Variants in ST6GALNAC5 observed in about 807,000 individuals in gnomAD.
ST6GALNAC5 encodes the protein alpha-N-acetylgalactosaminide alpha-2,6-sialyltransferase 5.
In ST6GALNAC5, 27 loss-of-function variants were observed where a neutral mutation model predicts 33.6. That is an observed-to-expected ratio of 0.80 (90% CI 0.59 to 1.11). ST6GALNAC5 has a LOEUF of 1.11. Among genes scored for constraint, ST6GALNAC5 ranks in the 50% least tolerant of loss-of-function variants. ST6GALNAC5 has a pLI of 0.00. For synonymous variants in ST6GALNAC5, 194 were observed against 171.2 expected, an observed-to-expected ratio of 1.13 and a Z score of -1.04; for missense variants, 428 against 454.0, an observed-to-expected ratio of 0.94 and a Z score of 0.52.
chr1:77,059,001 G>T (rs1029915115), intron 4 of ST6GALNAC5, among the ~76,000 whole-genome samples: 3 of 152,144 alleles, frequency 2.0e-5, no homozygotes, highest in Non-Finnish European at 4.4e-5. Flanking sequence ...AGAATCTCAA[G>T]GAGCTTTCCA....
At chr1:76,974,781 T>C (rs931373275) in intron 2 of ST6GALNAC5, among the ~76,000 whole-genome samples, 1 of 119,328 alleles carries the variant, frequency 8.4e-6, no homozygotes, top group Non-Finnish European at 1.8e-5. Context: ...TTCTTTTTTT[T>C]TTTTTTTTTT....
intron 2 of ST6GALNAC5, among the ~76,000 whole-genome samples, chr1:76,932,751 G>A (rs556258725): frequency 3.9e-5 from 6 of 152,046 alleles, no homozygotes; most frequent in African/African-American, 1.4e-4. Flanking sequence ...TGCAGACTTT[G>A]CTCATGCCTC....
intron 3 of ST6GALNAC5, 89 bp downstream of exon 3, chr1:77,044,702 C>G: frequency 6.8e-7 from 1 of 1,468,272 alleles, no homozygotes; most frequent in Non-Finnish European, 9.1e-7. Context: ...TTGCTACAGG[C>G]TTTTGTTGTG....
chr1:77,044,749 T>A, intron 3 of ST6GALNAC5, 136 bp downstream of exon 3: 2 of 1,072,712 alleles, frequency 1.9e-6, no homozygotes, highest in East Asian at 2.6e-5. Context: ...AGTTCACTTG[T>A]AGGGTCCTCT....
chr1:76,941,204 C>A (rs770568374), intron 2 of ST6GALNAC5, among the ~76,000 whole-genome samples: 6 of 152,054 alleles, frequency 3.9e-5, no homozygotes, highest in Non-Finnish European at 8.8e-5. Flanking sequence ...TACCTTTGTG[C>A]CTTCTTAAAT....
chr1:76,877,747 G>A (rs1430566941), intron 2 of ST6GALNAC5, among the ~76,000 whole-genome samples: 1 of 152,218 alleles, frequency 6.6e-6, no homozygotes, highest in African/African-American at 2.4e-5. Flanking sequence ...ATATCTTGTG[G>A]GAGTGAAAAG....
At chr1:77,003,373 G>A (rs1412711580) in intron 2 of ST6GALNAC5, among the ~76,000 whole-genome samples, 1 of 147,326 alleles carries the variant, frequency 6.8e-6, no homozygotes, top group African/African-American at 2.5e-5. Context: ...TTTATTTTGA[G>A]CCTATGTGTG....
intron 2 of ST6GALNAC5, among the ~76,000 whole-genome samples, chr1:76,960,510 T>A (rs754805562): frequency 2.0e-5 from 3 of 151,978 alleles, no homozygotes; most frequent in Non-Finnish European, 4.4e-5. Flanking sequence ...GGAGCCAGGG[T>A]TTGAGAGCAG....
At chr1:76,916,613 A>G (rs1646977492) in intron 2 of ST6GALNAC5, among the ~76,000 whole-genome samples, 1 of 152,188 alleles carries the variant, frequency 6.6e-6, no homozygotes, top group African/African-American at 2.4e-5. Flanking sequence ...AGTGCTTAAT[A>G]AGGAGAAACC....
intron 2 of ST6GALNAC5, among the ~76,000 whole-genome samples, chr1:76,924,251 A>C (rs57645905): frequency 0.023 from 3,526 of 152,256 alleles, 145 homozygotes; most frequent in African/African-American, 0.081. Context: ...CAACTGCGAG[A>C]TGTGAAATGC....
At chr1:77,011,061 G>C (rs1024841332) in intron 2 of ST6GALNAC5, among the ~76,000 whole-genome samples, 1 of 110,024 alleles carries the variant, frequency 9.1e-6, no homozygotes, top group East Asian at 3.0e-4. Flanking sequence ...TGAAAAGCAG[G>C]GGACAGAATA....
At chr1:76,975,076 C>G (rs1373963409) in intron 2 of ST6GALNAC5, among the ~76,000 whole-genome samples, 3 of 151,922 alleles carry the variant, frequency 2.0e-5, no homozygotes, top group Non-Finnish European at 4.4e-5. Flanking sequence ...CGTGAGCCAC[C>G]GTGCCCAGGC....
intron 2 of ST6GALNAC5, among the ~76,000 whole-genome samples, chr1:76,993,471 T>C (rs1317011851): frequency 6.6e-6 from 1 of 152,222 alleles, no homozygotes; most frequent in African/African-American, 2.4e-5. Flanking sequence ...AGTGTTATGT[T>C]TCACTGCAGC....
At chr1:76,970,286 A>G (rs145807308) in intron 2 of ST6GALNAC5, among the ~76,000 whole-genome samples, 3,589 of 152,122 alleles carry the variant, frequency 0.024, 77 homozygotes, top group Non-Finnish European at 0.031. Flanking sequence ...CGAATCCATC[A>G]CAAGAAAGCT....
At chr1:77,049,674 T>G (rs73005323) in intron 3 of ST6GALNAC5, among the ~76,000 whole-genome samples, 6,730 of 152,282 alleles carry the variant, frequency 0.044, 171 homozygotes, top group Middle Eastern at 0.095. Context: ...CTGTGGCTCT[T>G]TTCCTCTGGT....
intron 2 of ST6GALNAC5, among the ~76,000 whole-genome samples, chr1:76,940,410 G>C (rs1185565594): frequency 6.6e-6 from 1 of 152,086 alleles, no homozygotes; most frequent in Non-Finnish European, 1.5e-5. Context: ...GAGCACTGGC[G>C]TGGTACTTGT....
At chr1:76,978,114 T>G (rs1180876272) in intron 2 of ST6GALNAC5, among the ~76,000 whole-genome samples, 2 of 152,194 alleles carry the variant, frequency 1.3e-5, no homozygotes, top group African/African-American at 4.8e-5. Flanking sequence ...TGTTGACTAT[T>G]TGTATGTATT....
At chr1:76,990,404 T>C (rs1233341886) in intron 2 of ST6GALNAC5, among the ~76,000 whole-genome samples, 1 of 152,212 alleles carries the variant, frequency 6.6e-6, no homozygotes. Context: ...AGCAGTTACC[T>C]GAAAATCCAG....
intron 2 of ST6GALNAC5, among the ~76,000 whole-genome samples, 161 bp from the exon 3 acceptor site, chr1:77,044,043 C>T (rs1272615371): frequency 2.0e-5 from 3 of 152,088 alleles, no homozygotes; most frequent in African/African-American, 7.2e-5. Context: ...GAAGAGAACG[C>T]AAGGGTCCAT....
Sources: allele counts gnomAD v4.1 joint callset (sites outside exome capture counted in the v4.1 genomes callset), GRCh38; gene constraint gnomAD v4.1.1; transcripts MANE v1.5; gene names NCBI Gene and HGNC (gene_info 2026-07-23, HGNC 2026-07-21).